The following AAK1 variants were observed in gnomAD, a reference collection of about 807,000 sequenced individuals.
AAK1 encodes AP2-associated protein kinase 1.
Under a neutral mutation model 116.0 loss-of-function variants are expected in AAK1, and 37 were observed. The ratio of observed to expected loss-of-function variants is 0.32; its 90% confidence interval spans 0.25 to 0.42. The LOEUF (loss-of-function observed/expected upper bound fraction) is 0.42, where lower values mean the gene tolerates loss of function less well. AAK1 is among the 10% of genes least tolerant of loss of function. AAK1 has a pLI of 1.00. For missense variants in AAK1, 919 were observed against 1,170.6 expected (o/e 0.79, Z 3.14); for synonymous variants, 458 against 439.9 (o/e 1.04, Z -0.51).
rs1674287549 is a variant in AAK1, at chr2:69,459,390, A to AGG, written c.*16478_*16479insCC. On this transcript the variant is annotated 3_prime_UTR_variant, in exon 22 of 22. Transcript: ENST00000409085. ...GCCATCCTCCCACCTAAGCCTCCCAAGTAGCTGGGACTACAGGTGTGCACC... is the reference window on the plus strand; with the variant it reads ...GCCATCCTCCCACCTAAGCCTCCCAAGGGTAGCTGGGACTACAGGTGTGCACC... 1 of 152,300 alleles carries AGG rather than the reference A, an allele frequency of 6.6e-6. No homozygotes were observed. Among genetic ancestry groups the AGG allele is most frequent in the African/African-American group, 2.4e-5 (1 of 41,398 alleles). 9.4% of individuals were successfully genotyped at this position (152,300 alleles called of 1,614,324 possible).
intron 2 of AAK1, among the ~76,000 whole-genome samples, chr2:69,615,419 T>C (rs1380806527): frequency 2.0e-5 from 3 of 152,204 alleles, no homozygotes; most frequent in Non-Finnish European, 4.4e-5. Context: ...CCCATCTATA[T>C]GACTCAAAAG....
At position 69,458,162 on chromosome 2, in the gene AAK1, T is replaced by C. The variant is rs1286737389; in HGVS notation, c.*17707A>G. 6.6e-6 allele frequency: 1 copy of C among 152,112 alleles called. No homozygotes were observed. The highest frequency in any genetic ancestry group is 6.5e-5 in the Admixed American group (1 of 15,272). 9.4% of individuals were successfully genotyped at this position (152,112 alleles called of 1,614,324 possible). On this transcript the variant is annotated 3_prime_UTR_variant, in exon 22 of 22. Transcript: ENST00000409085. ...CAAAAATTGTTAAGATTGACTTTCA[T>C]GTTTCCCCCCCTCCTTTCTCTTGTT...
intron 2 of AAK1, among the ~76,000 whole-genome samples, chr2:69,562,758 T>C (rs766697816): frequency 2.7e-4 from 41 of 152,224 alleles, no homozygotes; most frequent in South Asian, 8.3e-4. Flanking sequence ...GGCGTGGTGG[T>C]GTGCGCCTGT....
At chr2:69,626,875 C>A (rs1293161738) in intron 2 of AAK1, among the ~76,000 whole-genome samples, 2 of 152,116 alleles carry the variant, frequency 1.3e-5, no homozygotes, top group African/African-American at 4.8e-5. Flanking sequence ...GTCAATCATT[C>A]TTTCTGCCTC....
At chr2:69,476,730 C>G in intron 21 of AAK1, 150 bp downstream of exon 21, 1 of 574,316 alleles carries the variant, frequency 1.7e-6, no homozygotes, top group Non-Finnish European at 3.1e-6. Context: ...CTCTATCTAT[C>G]TCTATTGGTC....
chr2:69,595,010 TTGCC>T, intron 2 of AAK1: 2 of 758,612 alleles, frequency 2.6e-6, no homozygotes, highest in Non-Finnish European at 4.8e-6. Context: ...GGGTTGGTGC[TTGCC>T]ACACTTCTGA....
intron 2 of AAK1, among the ~76,000 whole-genome samples, chr2:69,629,135 C>T (rs1675047679): frequency 6.6e-6 from 1 of 152,188 alleles, no homozygotes; most frequent in Admixed American, 6.5e-5. Context: ...AGGTTCTCTC[C>T]TTTTCTGGCT....
chr2:69,642,005 A>G (rs147104191), intron 2 of AAK1, among the ~76,000 whole-genome samples: 34 of 152,302 alleles, frequency 2.2e-4, no homozygotes, highest in African/African-American at 8.2e-4. Context: ...TGAGTCTGGC[A>G]TAATTATGAA....
intron 2 of AAK1, among the ~76,000 whole-genome samples, chr2:69,617,127 A>C (rs1381539926): frequency 6.6e-6 from 1 of 152,222 alleles, no homozygotes; most frequent in Non-Finnish European, 1.5e-5. Context: ...CCCTGTGCCT[A>C]GGCCCTCATT....
chr2:69,575,243 C>G (rs1672257480), intron 2 of AAK1, among the ~76,000 whole-genome samples: 1 of 151,736 alleles, frequency 6.6e-6, no homozygotes, highest in South Asian at 2.1e-4. Context: ...GGACCGGGAG[C>G]ACACTAGCAC....
At chr2:69,554,793 T>G (rs769261054) in intron 3 of AAK1, among the ~76,000 whole-genome samples, 4 of 152,238 alleles carry the variant, frequency 2.6e-5, no homozygotes, top group Non-Finnish European at 5.9e-5. Context: ...GTAACAAGCT[T>G]AGTTCACCTA....
At chr2:69,521,136 C>G in intron 10 of AAK1, 148 bp from the exon 11 acceptor site, 1 of 875,658 alleles carries the variant, frequency 1.1e-6, no homozygotes, top group Non-Finnish European at 1.8e-6. Flanking sequence ...CCACAGGATG[C>G]CATTGTTACT....
At chr2:69,498,103 A>G (rs963880203) in intron 16 of AAK1, among the ~76,000 whole-genome samples, 2 of 145,744 alleles carry the variant, frequency 1.4e-5, no homozygotes, top group African/African-American at 5.1e-5. Context: ...ATGACCCCTG[A>G]ATCCCTCCTT....
chr2:69,562,628 A>G (rs1461849619), intron 2 of AAK1, among the ~76,000 whole-genome samples: 1 of 152,198 alleles, frequency 6.6e-6, no homozygotes, highest in Non-Finnish European at 1.5e-5. Context: ...ACGGTGGCTC[A>G]TGTCTGTAAT....
At position 69,472,643 on chromosome 2, in the gene AAK1, T is replaced by C; in HGVS notation, c.*3226A>G. The C allele has an allele frequency of 3.0e-6, 3 of 985,404 alleles. No individual in the cohort carries two copies. The highest frequency in any genetic ancestry group is 3.6e-6 in the Non-Finnish European group (3 of 829,912). 61.0% of individuals were successfully genotyped at this position (985,404 alleles called of 1,614,324 possible). ...GTATTTTTGAAAACATTGGGACTCA[T>C]TTGAATGTTGTAAAGGGAAAAATCA... On this transcript the variant is annotated 3_prime_UTR_variant, in exon 22 of 22. Transcript: ENST00000409085.
intron 2 of AAK1, among the ~76,000 whole-genome samples, chr2:69,591,898 A>G (rs1017621698): frequency 1.3e-5 from 2 of 152,166 alleles, no homozygotes; most frequent in Admixed American, 1.3e-4. Context: ...CAAAGACCAC[A>G]GCCAGTTTAA....
intron 2 of AAK1, among the ~76,000 whole-genome samples, chr2:69,582,866 T>C (rs1292812848): frequency 6.6e-6 from 1 of 152,210 alleles, no homozygotes; most frequent in African/African-American, 2.4e-5. Flanking sequence ...CCTGGAGCTC[T>C]GAGGACTCTG....
intron 2 of AAK1, among the ~76,000 whole-genome samples, chr2:69,634,173 T>A (rs577623619): frequency 6.4e-4 from 91 of 141,352 alleles, no homozygotes; most frequent in Middle Eastern, 3.6e-3. Flanking sequence ...GTCTGAAAAA[T>A]ATATATATAA....
At chr2:69,527,869 C>T (rs1177751401) in intron 8 of AAK1, among the ~76,000 whole-genome samples, 1 of 152,164 alleles carries the variant, frequency 6.6e-6, no homozygotes, top group Admixed American at 6.5e-5. Flanking sequence ...CTTCTGCCTC[C>T]CTGAGGCTGG....
Sources: allele counts gnomAD v4.1 joint callset (sites outside exome capture counted in the v4.1 genomes callset), GRCh38; gene constraint gnomAD v4.1.1; transcripts MANE v1.5; gene names NCBI Gene and HGNC (gene_info 2026-07-23, HGNC 2026-07-21).